The following ACTR3C variants were observed in gnomAD, a reference collection of about 807,000 sequenced individuals.
ACTR3C encodes the protein actin related protein 3C.
ACTR3C carries 18 observed loss-of-function variants against 26.3 expected under a neutral mutation model. The ratio of observed to expected loss-of-function variants is 0.68; its 90% confidence interval spans 0.47 to 1.01. The LOEUF is 1.01. Ranked by LOEUF, ACTR3C falls within the 50% of genes least tolerant of loss-of-function variation. The pLI is 0.00. For synonymous variants in ACTR3C, 55 were observed against 94.5 expected (o/e 0.58, Z 2.42); for missense variants, 184 against 250.7 (o/e 0.73, Z 1.80).
the ACTR3C span, among the ~76,000 whole-genome samples, chr7:149,888,986 C>T: frequency 4.7e-5 from 7 of 148,772 alleles, no homozygotes; most frequent in South Asian, 2.1e-4. Context: ...CCAGCCTGGG[C>T]GACAAGAGTG....
Position 150,312,333 on chromosome 7 carries a change from G to A in ACTR3C, c.-52+11136C>T, listed in dbSNP as rs76242808. Among the ~76,000 whole-genome samples the A allele has an allele frequency of 2.4e-3, 362 of 152,232 alleles. 2 individuals carry two copies. Among genetic ancestry groups the A allele is most frequent in the African/African-American group, 8.5e-3 (353 of 41,532 alleles). The stretch of plus-strand genomic sequence containing the variant: ...TTATTTTACTTATTATCTCTCCTGC[G>A]TAGGCTCTGCAATCAAAACTATTGA... On this transcript the variant is annotated intron_variant, in intron 1 of 7. Transcript: ENST00000683684.
chr7:150,132,964 C>G, the ACTR3C span, among the ~76,000 whole-genome samples: 2 of 152,150 alleles, frequency 1.3e-5, no homozygotes, highest in Admixed American at 1.3e-4. Flanking sequence ...GACTCACTAA[C>G]TCAGCTGTTT....
At chr7:150,066,682 C>G in the ACTR3C span, among the ~76,000 whole-genome samples, 17 of 152,258 alleles carry the variant, frequency 1.1e-4, no homozygotes, top group African/African-American at 3.9e-4. Context: ...TCTCAATGAG[C>G]CTTCCACCAA....
At chr7:150,083,487 C>G in the ACTR3C span, among the ~76,000 whole-genome samples, 1,658 of 152,092 alleles carry the variant, frequency 0.011, 7 homozygotes, top group African/African-American at 0.02. Flanking sequence ...GGAACACTTG[C>G]GTTTAGGAGG....
the ACTR3C span, among the ~76,000 whole-genome samples, chr7:149,940,267 A>C: frequency 6.6e-6 from 1 of 151,922 alleles, no homozygotes; most frequent in Non-Finnish European, 1.5e-5. Context: ...TAAACAAGGA[A>C]GCAATTAAGC....
At chr7:150,207,909 TC>T in the ACTR3C span, among the ~76,000 whole-genome samples, 8,024 of 150,440 alleles carry the variant, frequency 0.053, 692 homozygotes, top group African/African-American at 0.19. Flanking sequence ...TATTTTAAAG[TC>T]ATGATTTCTA....
At chr7:150,196,808 T>C in the ACTR3C span, among the ~76,000 whole-genome samples, 8 of 152,236 alleles carry the variant, frequency 5.3e-5, no homozygotes, top group Non-Finnish European at 8.8e-5. Context: ...GCCTCAGATT[T>C]ATCAGTACCT....
chr7:150,013,384 C>A, the ACTR3C span, among the ~76,000 whole-genome samples: 1 of 152,188 alleles, frequency 6.6e-6, no homozygotes, highest in Admixed American at 6.5e-5. Flanking sequence ...CAATTCTAGC[C>A]CCCAAGGTTT....
At chr7:150,163,574 T>C in the ACTR3C span, among the ~76,000 whole-genome samples, 1 of 151,916 alleles carries the variant, frequency 6.6e-6, no homozygotes, top group African/African-American at 2.4e-5. Context: ...TATATGGAGA[T>C]TTATTATGAG....
the ACTR3C span, among the ~76,000 whole-genome samples, chr7:150,015,001 T>C: frequency 1.8e-3 from 267 of 152,278 alleles, no homozygotes; most frequent in Non-Finnish European, 2.8e-3. Context: ...GTATGGAGAA[T>C]AACAAAACAA....
chr7:150,188,643 G>A, the ACTR3C span, among the ~76,000 whole-genome samples: 1 of 151,670 alleles, frequency 6.6e-6, no homozygotes, highest in African/African-American at 2.4e-5. Flanking sequence ...GGAGGGGATT[G>A]GTAACAAAAG....
At chr7:150,074,557 A>C in the ACTR3C span, among the ~76,000 whole-genome samples, 4 of 150,058 alleles carry the variant, frequency 2.7e-5, no homozygotes, top group African/African-American at 9.8e-5. Flanking sequence ...ACACCACCCC[A>C]AAGCAAAAGC....
intron 6 of ACTR3C, among the ~76,000 whole-genome samples, chr7:150,257,442 T>G (rs1365414366): frequency 6.6e-6 from 1 of 152,232 alleles, no homozygotes. Flanking sequence ...GACATATGTC[T>G]GGACAGACAT....
chr7:150,191,079 C>A, the ACTR3C span, among the ~76,000 whole-genome samples: 1 of 152,164 alleles, frequency 6.6e-6, no homozygotes, highest in Non-Finnish European at 1.5e-5. Context: ...ACAGCCAGAC[C>A]ATATCACTAT....
At chr7:150,150,849 A>C in the ACTR3C span, among the ~76,000 whole-genome samples, 2 of 136,400 alleles carry the variant, frequency 1.5e-5, no homozygotes, top group African/African-American at 5.1e-5. Flanking sequence ...CAAATAGGAG[A>C]GCAACAATTA....
the ACTR3C span, among the ~76,000 whole-genome samples, chr7:150,173,897 C>A: frequency 6.8e-6 from 1 of 147,088 alleles, no homozygotes; most frequent in Non-Finnish European, 1.5e-5. Context: ...ACAAGAGTCA[C>A]CTTTGCTCCA....
chr7:150,101,363 T>G, the ACTR3C span, among the ~76,000 whole-genome samples: 24 of 151,790 alleles, frequency 1.6e-4, 1 homozygote, highest in African/African-American at 5.6e-4. Context: ...GTGACCTATC[T>G]GCACCATGCT....
chr7:150,127,684 A>G, the ACTR3C span, among the ~76,000 whole-genome samples: 1 of 152,162 alleles, frequency 6.6e-6, no homozygotes. Flanking sequence ...TTTTCTTTCC[A>G]CACTTTTCAC....
At chr7:150,057,658 A>G in the ACTR3C span, among the ~76,000 whole-genome samples, 1 of 152,176 alleles carries the variant, frequency 6.6e-6, no homozygotes, top group African/African-American at 2.4e-5. Context: ...TCAAGCCTAG[A>G]ACTTCATAGG....
Sources: allele counts gnomAD v4.1 joint callset (sites outside exome capture counted in the v4.1 genomes callset), GRCh38; gene constraint gnomAD v4.1.1; transcripts MANE v1.5; gene names NCBI Gene and HGNC (gene_info 2026-07-23, HGNC 2026-07-21).